Variants in EDIL3 observed in about 807,000 individuals in gnomAD.
EDIL3 encodes the protein EGF-like repeat and discoidin I-like domain-containing protein 3.
A neutral mutation model predicts 67.4 loss-of-function variants in EDIL3; 37 were observed. The ratio of observed to expected loss-of-function variants is 0.55; its 90% CI spans 0.42 to 0.72. The LOEUF (loss-of-function observed/expected upper bound fraction) is 0.72, where lower values mean the gene tolerates loss of function less well. Ranked by LOEUF, EDIL3 falls within the 30% of genes least tolerant of loss-of-function variation. EDIL3 has a pLI of 0.00. For synonymous variants in EDIL3, 195 were observed against 196.3 expected, an observed-to-expected ratio of 0.99 and a Z score of 0.05; for missense variants, 527 against 586.3, an observed-to-expected ratio of 0.90 and a Z score of 1.04.
chr5:84,261,393 T>G (rs771789479), intron 1 of EDIL3, among the ~76,000 whole-genome samples: 3 of 152,208 alleles, frequency 2.0e-5, no homozygotes, highest in Non-Finnish European at 2.9e-5. Context: ...GATATTTCAC[T>G]TGTTGAACAT....
At chr5:83,969,805 G>A (rs1276886174) in intron 9 of EDIL3, among the ~76,000 whole-genome samples, 1 of 151,606 alleles carries the variant, frequency 6.6e-6, no homozygotes, top group Non-Finnish European at 1.5e-5. Context: ...ATATTTATGA[G>A]GTATCTAGTG....
intron 2 of EDIL3, among the ~76,000 whole-genome samples, chr5:84,252,301 C>T (rs1320005910): frequency 6.6e-6 from 1 of 151,842 alleles, no homozygotes; most frequent in Non-Finnish European, 1.5e-5. Flanking sequence ...ATCATCCTGG[C>T]TAACACAGTG....
intron 1 of EDIL3, among the ~76,000 whole-genome samples, chr5:84,303,051 A>G (rs373749493): frequency 6.6e-6 from 1 of 152,158 alleles, no homozygotes; most frequent in Non-Finnish European, 1.5e-5. Flanking sequence ...TCTAGAACAT[A>G]TCTTTGAGCC....
chr5:84,196,663 A>C (rs559793256), intron 3 of EDIL3, among the ~76,000 whole-genome samples: 7 of 152,126 alleles, frequency 4.6e-5, no homozygotes, highest in African/African-American at 1.7e-4. Context: ...CATCTTTGTT[A>C]ATTAAATATA....
intron 3 of EDIL3, among the ~76,000 whole-genome samples, chr5:84,194,656 G>C (rs2112371520): frequency 6.6e-6 from 1 of 151,936 alleles, no homozygotes; most frequent in South Asian, 2.1e-4. Context: ...TATATTAAAT[G>C]TATGTAGCAC....
chr5:84,165,876 T>A (rs375874883), intron 4 of EDIL3, among the ~76,000 whole-genome samples: 3 of 152,260 alleles, frequency 2.0e-5, no homozygotes, highest in East Asian at 3.9e-4. Flanking sequence ...TTAAAACATG[T>A]ATATGTGCAA....
intron 2 of EDIL3, among the ~76,000 whole-genome samples, chr5:84,249,420 TA>T (rs1744978789): frequency 6.7e-6 from 1 of 149,840 alleles, no homozygotes; most frequent in South Asian, 2.1e-4. Flanking sequence ...TCTATCTATC[TA>T]TCTATCTATC....
intron 1 of EDIL3, among the ~76,000 whole-genome samples, chr5:84,280,011 T>C (rs1745664364): frequency 6.6e-6 from 1 of 152,232 alleles, no homozygotes; most frequent in African/African-American, 2.4e-5. Flanking sequence ...CTTTGCTTTA[T>C]GGTGCTTGAC....
intron 1 of EDIL3, among the ~76,000 whole-genome samples, chr5:84,282,107 G>A (rs550398089): frequency 2.0e-5 from 3 of 151,384 alleles, no homozygotes; most frequent in South Asian, 2.1e-4. Context: ...TCCTGAGCTC[G>A]TGATTTGTCC....
At chr5:84,017,898 T>C (rs572681861) in intron 9 of EDIL3, among the ~76,000 whole-genome samples, 30 of 152,268 alleles carry the variant, frequency 2.0e-4, no homozygotes, top group African/African-American at 7.2e-4. Context: ...TCTGTTAATA[T>C]TGATCATAAA....
intron 9 of EDIL3, among the ~76,000 whole-genome samples, chr5:84,010,269 A>T (rs572757346): frequency 6.6e-6 from 1 of 152,274 alleles, no homozygotes; most frequent in East Asian, 1.9e-4. Context: ...CTTTTCTTAC[A>T]ATTACCTCAC....
At chr5:84,121,152 A>G (rs1428839574) in intron 5 of EDIL3, among the ~76,000 whole-genome samples, 4 of 152,008 alleles carry the variant, frequency 2.6e-5, no homozygotes, top group Admixed American at 6.6e-5. Flanking sequence ...TACGTTGAGC[A>G]TTCCTTACGA....
intron 9 of EDIL3, among the ~76,000 whole-genome samples, chr5:84,043,412 A>T (rs1369348898): frequency 6.6e-6 from 1 of 152,234 alleles, no homozygotes; most frequent in African/African-American, 2.4e-5. Context: ...TGAACAAAAA[A>T]TTGATGAAAT....
chr5:84,208,680 CG>C (rs1320066391), intron 3 of EDIL3, among the ~76,000 whole-genome samples: 1 of 95,598 alleles, frequency 1.0e-5, no homozygotes, highest in Non-Finnish European at 2.0e-5. Flanking sequence ...AGCGAGACTC[CG>C]TCTCAAAAAA....
At chr5:83,965,777 A>G (rs1431309500) in intron 9 of EDIL3, among the ~76,000 whole-genome samples, 1 of 150,946 alleles carries the variant, frequency 6.6e-6, no homozygotes, top group Non-Finnish European at 1.5e-5. Flanking sequence ...TTTTTTTTCT[A>G]TCTAGAAATG....
At chr5:84,156,430 A>G (rs375814940) in intron 4 of EDIL3, among the ~76,000 whole-genome samples, 2 of 152,062 alleles carry the variant, frequency 1.3e-5, no homozygotes, top group Non-Finnish European at 2.9e-5. Context: ...TATCAACACA[A>G]TTCCCTCCTG....
intron 3 of EDIL3, among the ~76,000 whole-genome samples, chr5:84,209,313 C>G (rs1744065833): frequency 6.6e-6 from 1 of 151,942 alleles, no homozygotes; most frequent in African/African-American, 2.4e-5. Flanking sequence ...CAGCATGGCA[C>G]ATGTATACAT....
intron 2 of EDIL3, among the ~76,000 whole-genome samples, chr5:84,235,163 C>CAAT (rs1016054844): frequency 6.6e-6 from 1 of 152,068 alleles, no homozygotes; most frequent in Admixed American, 6.6e-5. Flanking sequence ...TGTCCTTGGC[C>CAAT]AATGGCCCAA....
At chr5:84,232,186 C>T (rs1405708372) in intron 2 of EDIL3, among the ~76,000 whole-genome samples, 2 of 152,166 alleles carry the variant, frequency 1.3e-5, no homozygotes, top group Non-Finnish European at 2.9e-5. Flanking sequence ...AGTGTTGGGT[C>T]ATGGGAGTAG....
Sources: allele counts gnomAD v4.1 joint callset (sites outside exome capture counted in the v4.1 genomes callset), GRCh38; gene constraint gnomAD v4.1.1; transcripts MANE v1.5; gene names NCBI Gene and HGNC (gene_info 2026-07-23, HGNC 2026-07-21).